Variants in SNX7 observed in about 807,000 individuals in gnomAD.
SNX7 encodes the protein sorting nexin-7.
SNX7 carries 35 observed loss-of-function variants against 48.4 expected under a neutral mutation model. The observed-to-expected ratio is 0.72, with a 90% CI of 0.55 to 0.96. The LOEUF (loss-of-function observed/expected upper bound fraction) is 0.96, where lower values mean the gene tolerates loss of function less well. Among genes scored for constraint, SNX7 ranks in the 40% least tolerant of loss-of-function variants. SNX7 has a pLI of 0.00. For synonymous variants in SNX7, 190 were observed against 190.2 expected (o/e 1.00, Z 0.01); for missense variants, 553 against 548.9 (o/e 1.01, Z -0.07).
intron 7 of SNX7, among the ~76,000 whole-genome samples, chr1:98,703,362 T>G (rs1378931791): frequency 6.6e-6 from 1 of 152,178 alleles, no homozygotes; most frequent in Non-Finnish European, 1.5e-5. Context: ...GAAGTCTAAC[T>G]TGCATAGTTC....
In SNX7 at chr1:98,715,691, A is replaced by G. The variant is rs1174167693; in HGVS notation, c.1125+13788A>G. On this transcript the variant is annotated intron_variant, in intron 7 of 8. Transcript: ENST00000306121. ...TTGATATGTTCACATCATTTTGATC[A>G]CCTCTTTGCTTCTGATACAACAAAA... Among the ~76,000 whole-genome samples the G allele has an allele frequency of 5.9e-5, 9 of 151,926 alleles. No individual in the cohort carries two copies. In the East Asian group the frequency reaches 1.5e-3, roughly 26 times the overall value.
At chr1:98,669,076 T>C (rs1326255764) in intron 1 of SNX7, among the ~76,000 whole-genome samples, 1 of 152,214 alleles carries the variant, frequency 6.6e-6, no homozygotes. Flanking sequence ...CTGGACTATG[T>C]TCTGCCATTC....
At chr1:98,756,583 G>A (rs1379229881) in intron 8 of SNX7, among the ~76,000 whole-genome samples, 1 of 151,518 alleles carries the variant, frequency 6.6e-6, no homozygotes, top group African/African-American at 2.4e-5. Context: ...CCTTCCCGAT[G>A]GCTTTTTCCC....
In SNX7 at chr1:98,661,827, G is replaced by C. The variant is rs1278996348; in HGVS notation, c.96G>C (p.Pro32=). The C allele has an allele frequency of 2.4e-6, 3 of 1,245,968 alleles. No homozygotes were observed. Among genetic ancestry groups the C allele is most frequent in the African/African-American group, 3.1e-5 (2 of 64,324 alleles). 77.2% of individuals were successfully genotyped at this position (1,245,968 alleles called of 1,614,324 possible). A position where few individuals can be genotyped will look rare whatever the true frequency, so the allele number is the denominator to read the frequency against. Residue 32 remains proline (P), a synonymous_variant, in exon 1 of 9, where the codon CCG becomes CCC. Transcript: ENST00000306121. ...GCCCGGGGGGCGGCGCCCCCTTTCC[G>C]GGCAGCAGTGGCTCTTCCGCCCTGC... ...GESPGGGAPF[P]GSSGSSALLQ... is the part of the protein sequence containing the mutation.
At chr1:98,714,872 G>C (rs1281195294) in intron 7 of SNX7, among the ~76,000 whole-genome samples, 1 of 152,090 alleles carries the variant, frequency 6.6e-6, no homozygotes, top group East Asian at 1.9e-4. Context: ...GTTTCAAGTG[G>C]GGAAGAGTTG....
Position 98,691,452 on chromosome 1 carries a change from C to G in SNX7, c.475-83C>G, listed in dbSNP as rs977611656. ...AGAAATGATCAGATGTTCAACTAGT[C>G]TTCCAAACAGGGAAAGCGTAGAATT... On this transcript the variant is annotated intron_variant, in intron 3 of 8. Transcript: ENST00000306121. The G allele has an allele frequency of 5.1e-6, 6 of 1,181,978 alleles. No individual in the cohort carries two copies. The East Asian group carries it at 1.7e-4, about 33-fold the overall frequency. The allele number at this position is 1,181,978 out of a possible 1,614,324, so 73.2% of individuals were successfully genotyped here.
At chr1:98,723,787 G>C (rs1653016989) in intron 7 of SNX7, among the ~76,000 whole-genome samples, 1 of 95,202 alleles carries the variant, frequency 1.1e-5, no homozygotes, top group African/African-American at 3.2e-5. Context: ...ATTGATCCCG[G>C]GAGGCAGAGG....
chr1:98,745,396 A>G (rs1553206896), intron 8 of SNX7, among the ~76,000 whole-genome samples: 1 of 151,992 alleles, frequency 6.6e-6, no homozygotes, highest in Non-Finnish European at 1.5e-5. Context: ...ATCCATAACA[A>G]GGTGCATTTC....
intron 7 of SNX7, among the ~76,000 whole-genome samples, chr1:98,733,797 A>G (rs952177395): frequency 1.3e-5 from 2 of 151,636 alleles, no homozygotes; most frequent in Non-Finnish European, 2.9e-5. Flanking sequence ...GATCCTCCCT[A>G]TTGCTTTTTA....
chr1:98,691,020 C>A, intron 2 of SNX7, 55 bp from the exon 3 acceptor site: 1 of 1,149,334 alleles, frequency 8.7e-7, no homozygotes, highest in Non-Finnish European at 1.2e-6. Context: ...TAACGTTAGG[C>A]AAATACCTTC....
intron 7 of SNX7, among the ~76,000 whole-genome samples, chr1:98,735,939 G>A (rs1653757037): frequency 6.6e-6 from 1 of 152,024 alleles, no homozygotes; most frequent in African/African-American, 2.4e-5. Context: ...TGACAGTGAG[G>A]GCAAAGTTCT....
intron 1 of SNX7, among the ~76,000 whole-genome samples, chr1:98,678,239 G>C (rs4950105): frequency 1.1e-3 from 160 of 151,968 alleles, no homozygotes; most frequent in African/African-American, 3.6e-3. Flanking sequence ...GAAAGAGGAC[G>C]ATCCAGGGTC....
chr1:98,736,358 A>G (rs1355417245), intron 7 of SNX7, among the ~76,000 whole-genome samples: 2 of 152,188 alleles, frequency 1.3e-5, no homozygotes, highest in East Asian at 1.9e-4. Flanking sequence ...ATTCCATCCA[A>G]CAATCCAGAG....
intron 3 of SNX7, 29 bp from the exon 4 acceptor site, chr1:98,691,506 G>C: frequency 6.5e-7 from 1 of 1,543,016 alleles, no homozygotes; most frequent in Non-Finnish European, 8.7e-7. Context: ...AATAATACTT[G>C]AATACCTTTT....
chr1:98,699,683 T>C (rs1651652821), intron 6 of SNX7, among the ~76,000 whole-genome samples: 1 of 152,154 alleles, frequency 6.6e-6, no homozygotes, highest in Non-Finnish European at 1.5e-5. Context: ...TTTCTAGAGA[T>C]TTCTTTCAAT....
chr1:98,742,487 G>C (rs377717358), intron 8 of SNX7, among the ~76,000 whole-genome samples: 7 of 152,044 alleles, frequency 4.6e-5, no homozygotes, highest in East Asian at 1.9e-4. Context: ...GCAGTTTGTC[G>C]TTAAGTGAAT....
intron 7 of SNX7, among the ~76,000 whole-genome samples, chr1:98,714,519 A>C (rs1236362124): frequency 6.6e-6 from 1 of 152,188 alleles, no homozygotes; most frequent in Non-Finnish European, 1.5e-5. Context: ...TTAGTGCTAT[A>C]AAGAGAATAA....
At chr1:98,665,864 A>G (rs1276902870) in intron 1 of SNX7, among the ~76,000 whole-genome samples, 2 of 152,232 alleles carry the variant, frequency 1.3e-5, no homozygotes, top group Admixed American at 6.5e-5. Context: ...TGCAGGGATT[A>G]CAGGCGTGAG....
intron 5 of SNX7, among the ~76,000 whole-genome samples, chr1:98,696,561 T>A (rs917444507): frequency 3.9e-5 from 6 of 152,042 alleles, no homozygotes; most frequent in Non-Finnish European, 8.8e-5. Context: ...TTATTAAGAA[T>A]TGATTGGTTT....
Sources: gnomAD v4.1 joint callset for allele counts (sites outside exome capture counted in the v4.1 genomes callset) on GRCh38, gnomAD v4.1.1 for gene constraint, MANE v1.5 for transcripts, NCBI Gene and HGNC (gene_info 2026-07-23, HGNC 2026-07-21) for gene names.